SLFN12: variants seen among roughly 807,000 people sequenced by gnomAD.
SLFN12 encodes the protein ribonuclease SLFN12.
In SLFN12, 25 loss-of-function variants were observed where a neutral mutation model predicts 29.1. The ratio of observed to expected loss-of-function variants is 0.86; its 90% CI spans 0.63 to 1.20. SLFN12 has a LOEUF of 1.20. Ranked by LOEUF, SLFN12 falls within the 50% of genes most tolerant of loss-of-function variation. The pLI is 0.00. For missense variants in SLFN12, 660 were observed against 666.2 expected (o/e 0.99, Z 0.10); for synonymous variants, 257 against 238.7 (o/e 1.08, Z -0.71).
intron 3 of SLFN12, among the ~76,000 whole-genome samples, chr17:35,419,259 A>G (rs1279548470): frequency 1.3e-5 from 2 of 152,146 alleles, no homozygotes; most frequent in Admixed American, 1.3e-4. Context: ...ATTTTAAATG[A>G]TAGTTTTGCC....
At position 35,411,183 on chromosome 17, in the gene SLFN12, T is replaced by A. The variant is rs569136186; in HGVS notation, c.*155A>T. The A allele has an allele frequency of 1.0e-4, 59 of 562,898 alleles. No individual in the cohort carries two copies. The highest frequency in any genetic ancestry group is 9.8e-4 in the African/African-American group (52 of 52,852). 34.9% of individuals were successfully genotyped at this position (562,898 alleles called of 1,614,324 possible). A position where few individuals can be genotyped will look rare whatever the true frequency, so the allele number is the denominator to read the frequency against. On this transcript the variant is annotated 3_prime_UTR_variant, in exon 4 of 4. Transcript: ENST00000304905. ...TCCCTCAAACAATATCTGTGAAGAT[T>A]ATTTAGGGAGAAGTGAAAATAGACA... is the stretch of plus-strand genomic sequence containing the variant.
At chr17:35,421,007 A>T (rs899248482) in intron 2 of SLFN12, among the ~76,000 whole-genome samples, 1 of 151,974 alleles carries the variant, frequency 6.6e-6, no homozygotes, top group African/African-American at 2.4e-5. Flanking sequence ...CAAGAGTTCG[A>T]GACCAGCCTG....
chr17:35,414,726 C>A (rs1365263495), intron 3 of SLFN12, among the ~76,000 whole-genome samples: 1 of 151,900 alleles, frequency 6.6e-6, no homozygotes, highest in African/African-American at 2.4e-5. Context: ...CAAGAGTGAC[C>A]AAGCTGAGAA....
At chr17:35,421,197 AGACT>A (rs1361582557) in intron 2 of SLFN12, among the ~76,000 whole-genome samples, 5 of 150,042 alleles carry the variant, frequency 3.3e-5, no homozygotes, top group East Asian at 1.9e-4. Context: ...TGACAGAGCA[AGACT>A]CCGTCTCAAA....
rs958559405 is a variant in SLFN12, at chr17:35,422,009, G to C, written c.1020C>G (p.Phe340Leu). 2.5e-6 allele frequency: 4 copies of C among 1,613,750 alleles called. No individual in the cohort carries two copies. The highest frequency in any genetic ancestry group is 2.7e-5 in the African/African-American group (2 of 74,906). ...MQLTRKEWIQFMVEAEPKFSS... is the reference protein window; with the variant it reads ...MQLTRKEWIQLMVEAEPKFSS... The stretch of plus-strand genomic sequence containing the variant: ...CTCAACTTGGTTCAGCCTCCACCAT[G>C]AACTGGATCCATTCCTTCCTGGTCA... The change falls in exon 2 of 4, where the codon TTC becomes TTG. Residue 340 changes from phenylalanine (F) to leucine (L), a missense_variant. Physicochemically the swap from Phe to Leu is conservative, Grantham distance 22. Transcript: ENST00000304905.
At chr17:35,426,934 G>C (rs762794001) in intron 1 of SLFN12, among the ~76,000 whole-genome samples, 4 of 152,108 alleles carry the variant, frequency 2.6e-5, no homozygotes, top group Non-Finnish European at 5.9e-5. Context: ...GTTATTCTAT[G>C]TCTCTAGCTA....
chr17:35,422,875 G>A lies in SLFN12; in HGVS notation c.154C>T (p.Leu52Phe). Reference sequence around the variant, plus strand: ...TTGATCACTCCCCCTCCAGAATTGAGCAGAGCACACATAGCTCGTGAGACA... The same window carrying A: ...TTGATCACTCCCCCTCCAGAATTGAACAGAGCACACATAGCTCGTGAGACA... Reference protein sequence around the residue: ...ESVSRAMCALLNSGGGVIKAE... With the variant: ...ESVSRAMCALFNSGGGVIKAE... The change falls in exon 2 of 4, where the codon CTC (leucine) becomes TTC (phenylalanine). Residue 52 changes from leucine (L) to phenylalanine (F), a missense_variant. Leu to Phe is a conservative substitution (Grantham distance 22). Transcript: ENST00000304905. 1 of 1,613,998 alleles carries A rather than the reference G, an allele frequency of 6.2e-7. No homozygotes were observed. The highest frequency in any genetic ancestry group is 2.2e-5 in the East Asian group (1 of 44,886).
chr17:35,426,251 T>C (rs1912016755), intron 1 of SLFN12, among the ~76,000 whole-genome samples: 2 of 152,102 alleles, frequency 1.3e-5, no homozygotes, highest in Non-Finnish European at 2.9e-5. Context: ...GCCTATTCTT[T>C]TACTCTGTTG....
chr17:35,425,684 G>C (rs908182484), intron 1 of SLFN12, among the ~76,000 whole-genome samples: 6 of 151,794 alleles, frequency 4.0e-5, no homozygotes, highest in Non-Finnish European at 7.4e-5. Context: ...TGAACACTTA[G>C]GTTGCTTCCA....
At chr17:35,428,850 T>TATAA (rs943664238) in intron 1 of SLFN12, among the ~76,000 whole-genome samples, 6 of 152,112 alleles carry the variant, frequency 3.9e-5, no homozygotes, top group African/African-American at 1.4e-4. Context: ...ATAGCACAAT[T>TATAA]AGTGTTCTTT....
intron 1 of SLFN12, among the ~76,000 whole-genome samples, chr17:35,425,838 C>CTTTT (rs58492425): frequency 0.018 from 695 of 39,132 alleles, 65 homozygotes; most frequent in African/African-American, 0.027. Context: ...CTTTTCTTTT[C>CTTTT]TTTTTTTTTT....
intron 1 of SLFN12, among the ~76,000 whole-genome samples, chr17:35,424,934 A>C (rs1029591943): frequency 6.6e-6 from 1 of 152,092 alleles, no homozygotes; most frequent in Non-Finnish European, 1.5e-5. Context: ...CAACTACCAT[A>C]TACATTACTT....
chr17:35,421,286 A>G, intron 2 of SLFN12, among the ~76,000 whole-genome samples: 1 of 151,436 alleles, frequency 6.6e-6, no homozygotes, highest in South Asian at 2.1e-4. Context: ...ATGAAGGAGC[A>G]AGTAAGTAAA....
intron 1 of SLFN12, chr17:35,431,810 G>A (rs905079772): frequency 2.6e-5 from 4 of 152,130 alleles, no homozygotes; most frequent in African/African-American, 9.7e-5. Flanking sequence ...GGCTAGGTGG[G>A]TTTCTTTTAA....
At chr17:35,420,614 G>T in intron 2 of SLFN12, 1 of 358,450 alleles carries the variant, frequency 2.8e-6, no homozygotes, top group Non-Finnish European at 5.0e-6. Context: ...TGCATTAATA[G>T]TAATTTAATA....
At chr17:35,416,894 G>C (rs1911351040) in intron 3 of SLFN12, among the ~76,000 whole-genome samples, 2 of 152,092 alleles carry the variant, frequency 1.3e-5, no homozygotes, top group African/African-American at 4.8e-5. Context: ...ACTTCAGCCT[G>C]GGTGACAGAG....
chr17:35,418,561 A>T (rs1287199110), intron 3 of SLFN12, among the ~76,000 whole-genome samples: 1 of 147,444 alleles, frequency 6.8e-6, no homozygotes, highest in African/African-American at 2.7e-5. Context: ...GTAAGAATAT[A>T]GTATATGATA....
Position 35,411,884 on chromosome 17 carries a change from T to C in SLFN12, c.1191A>G (p.Arg397=). The change falls in exon 4 of 4, where the codon AGA becomes AGG. Residue 397 remains arginine (R), a synonymous_variant. Transcript: ENST00000304905. ...GTCCTTCATGTTGTAAGAACAGTTTTCTGCAAAGGTTTTCTGGAGTATACG... is the reference window on the plus strand; with the variant it reads ...GTCCTTCATGTTGTAAGAACAGTTTCCTGCAAAGGTTTTCTGGAGTATACG... The part of the protein sequence containing the change: ...RITYTPENLC[R]KLFLQHEGLK... 6.2e-7 allele frequency: 1 copy of C among 1,612,950 alleles called. No homozygotes were observed. Among genetic ancestry groups the C allele is most frequent in the Non-Finnish European group, 8.5e-7 (1 of 1,179,708 alleles).
At chr17:35,428,623 G>A (rs1476779973) in intron 1 of SLFN12, among the ~76,000 whole-genome samples, 3 of 152,080 alleles carry the variant, frequency 2.0e-5, no homozygotes, top group African/African-American at 4.8e-5. Flanking sequence ...TGGGTCCATA[G>A]AAGAAAGCAT....
Sources: allele counts gnomAD v4.1 joint callset (sites outside exome capture counted in the v4.1 genomes callset), GRCh38; gene constraint gnomAD v4.1.1; transcripts MANE v1.5; gene names NCBI Gene and HGNC (gene_info 2026-07-23, HGNC 2026-07-21).